The following FHIP1A variants were observed in gnomAD, a reference collection of about 807,000 sequenced individuals.
FHIP1A encodes the protein FHF complex subunit HOOK interacting protein 1A, also known as FHF complex subunit HOOK-interacting protein 1A.
Under a neutral mutation model 88.6 loss-of-function variants are expected in FHIP1A, and 61 were observed. The ratio of observed to expected loss-of-function variants is 0.69; its 90% CI spans 0.56 to 0.85. FHIP1A has a LOEUF of 0.85. Among genes scored for constraint, FHIP1A ranks in the 40% least tolerant of loss-of-function variants. FHIP1A has a pLI of 0.00. For missense variants in FHIP1A, 1,154 were observed against 1,273.5 expected, an observed-to-expected ratio of 0.91 and a Z score of 1.43; for synonymous variants, 478 against 496.0, an observed-to-expected ratio of 0.96 and a Z score of 0.48.
chr4:151,553,990 G>A (rs1732847054), intron 3 of FHIP1A, among the ~76,000 whole-genome samples: 2 of 152,240 alleles, frequency 1.3e-5, no homozygotes, highest in Non-Finnish European at 2.9e-5. Flanking sequence ...TTATGCAGGA[G>A]CTCCTTCCTG....
At chr4:151,439,615 G>A (rs1728332797) in intron 1 of FHIP1A, among the ~76,000 whole-genome samples, 1 of 152,044 alleles carries the variant, frequency 6.6e-6, no homozygotes, top group South Asian at 2.1e-4. Context: ...GTAACATGAT[G>A]GTCTAAGTTG....
chr4:151,443,591 CTTTTAA>C (rs1728485206), intron 1 of FHIP1A, among the ~76,000 whole-genome samples: 2 of 150,008 alleles, frequency 1.3e-5, no homozygotes, highest in South Asian at 4.2e-4. Context: ...TTCCTCTGCT[CTTTTAA>C]AAAGATGTGT....
intron 1 of FHIP1A, among the ~76,000 whole-genome samples, chr4:151,435,579 G>T (rs1223150178): frequency 2.6e-5 from 4 of 152,120 alleles, no homozygotes; most frequent in African/African-American, 9.7e-5. Context: ...GAGGTCAGGA[G>T]TTCAGGACCA....
intron 3 of FHIP1A, among the ~76,000 whole-genome samples, chr4:151,547,038 G>T (rs997715827): frequency 6.6e-6 from 1 of 152,086 alleles, no homozygotes; most frequent in African/African-American, 2.4e-5. Flanking sequence ...TTTTTCTCTA[G>T]GTTGGCAATT....
chr4:151,452,079 C>G (rs1447292754), intron 1 of FHIP1A, among the ~76,000 whole-genome samples: 1 of 152,100 alleles, frequency 6.6e-6, no homozygotes, highest in African/African-American at 2.4e-5. Flanking sequence ...CCTTGGCCTC[C>G]CAAAATGTTA....
intron 3 of FHIP1A, among the ~76,000 whole-genome samples, chr4:151,557,103 A>G (rs1732979406): frequency 6.6e-6 from 1 of 152,210 alleles, no homozygotes; most frequent in South Asian, 2.1e-4. Context: ...AATTTTTGGT[A>G]ATTACCTAAT....
At chr4:151,477,814 G>T (rs906531449) in intron 2 of FHIP1A, among the ~76,000 whole-genome samples, 3 of 152,082 alleles carry the variant, frequency 2.0e-5, no homozygotes, top group Admixed American at 6.6e-5. Flanking sequence ...GATGGACAAA[G>T]ATTACAAAGT....
intron 2 of FHIP1A, among the ~76,000 whole-genome samples, chr4:151,478,090 A>G (rs1729769527): frequency 6.6e-6 from 1 of 152,166 alleles, no homozygotes; most frequent in Non-Finnish European, 1.5e-5. Context: ...TATAATGGCT[A>G]AAGGTTGGAA....
At position 151,664,565 on chromosome 4, in the gene FHIP1A, T is replaced by C. The variant is rs1737593579; in HGVS notation, c.*1811T>C. Among the ~76,000 whole-genome samples the C allele has an allele frequency of 6.6e-6, 1 of 152,238 alleles. No homozygotes were observed. The highest frequency in any genetic ancestry group is 2.4e-5 in the African/African-American group (1 of 41,476). On this transcript the variant is annotated 3_prime_UTR_variant, in exon 14 of 14. Coordinates refer to ENST00000435205, the MANE Select transcript of FHIP1A (RefSeq NM_001109977.3). The stretch of plus-strand genomic sequence containing the variant: ...GCTGTGGTGCAGCAGCCAGAAGGGA[T>C]GAAGCACAGCAGACTGGTCTGCTTC...
rs1022493461 is a variant in FHIP1A, at chr4:151,649,517, T to G, written c.1476T>G (p.Tyr492Ter). 1.3e-6 allele frequency: 2 copies of G among 1,551,526 alleles called. No individual in the cohort carries two copies. The highest frequency in any genetic ancestry group is 1.4e-5 in the African/African-American group (1 of 73,044). ...CCGAGTCAGCCTGCATTGTGGAGTATGGGAAAGCCCTGGACATCAGCTACC... is the reference window on the plus strand; with the variant it reads ...CCGAGTCAGCCTGCATTGTGGAGTAGGGGAAAGCCCTGGACATCAGCTACC... ...AFSESACIVE[Y>*]GKALDISYLQ... The change falls in exon 11 of 14, where the codon TAT (tyrosine) becomes TAG (stop). Residue 492 changes from tyrosine (Y) to a stop codon, truncating the protein, a stop_gained. Coordinates refer to ENST00000435205, the MANE Select transcript of FHIP1A (RefSeq NM_001109977.3). LOFTEE classifies it high-confidence loss of function.
chr4:151,643,226 A>C (rs1736659271), intron 9 of FHIP1A, among the ~76,000 whole-genome samples: 1 of 152,212 alleles, frequency 6.6e-6, no homozygotes, highest in Non-Finnish European at 1.5e-5. Context: ...ATGAAAAGAC[A>C]GAGACAGAGG....
intron 3 of FHIP1A, among the ~76,000 whole-genome samples, chr4:151,500,438 C>CAAAA (rs34481805): frequency 2.8e-5 from 3 of 106,708 alleles, no homozygotes; most frequent in African/African-American, 1.1e-4. Context: ...CAGCCATTCT[C>CAAAA]AAAAAAAAAA....
At chr4:151,547,584 T>C (rs1297925907) in intron 3 of FHIP1A, among the ~76,000 whole-genome samples, 1 of 152,156 alleles carries the variant, frequency 6.6e-6, no homozygotes, top group Non-Finnish European at 1.5e-5. Context: ...TAGCTCATAG[T>C]AATGGCTCAC....
At chr4:151,531,082 A>C (rs995491443) in intron 3 of FHIP1A, among the ~76,000 whole-genome samples, 2 of 152,080 alleles carry the variant, frequency 1.3e-5, no homozygotes, top group African/African-American at 2.4e-5. Context: ...GAAGTATTTC[A>C]AGTGTTTTAA....
At position 151,650,203 on chromosome 4, in the gene FHIP1A, C is replaced by A; in HGVS notation, c.2162C>A (p.Ala721Asp). The change falls in exon 11 of 14, where the codon GCC becomes GAC. Residue 721 changes from alanine (A) to aspartate (D), a missense_variant. By Grantham distance (126) the Ala-to-Asp change is moderately radical. Transcript: ENST00000435205. ...AAGCAAGAGAGGGAACCTGAAGCAGCCCCAGAATCCAACTCAGAGTTAGCA... is the reference window on the plus strand; with the variant it reads ...AAGCAAGAGAGGGAACCTGAAGCAGACCCAGAATCCAACTCAGAGTTAGCA... ...EPKQEREPEA[A>D]PESNSELASP... is the part of the protein sequence containing the mutation. 1 of 1,551,726 alleles carries A rather than the reference C, an allele frequency of 6.4e-7. No individual in the cohort carries two copies. The highest frequency in any genetic ancestry group is 1.4e-5 in the African/African-American group (1 of 73,160).
chr4:151,574,045 G>A (rs927008062), intron 4 of FHIP1A, among the ~76,000 whole-genome samples: 3 of 152,170 alleles, frequency 2.0e-5, no homozygotes, highest in East Asian at 1.9e-4. Context: ...ACCAGAGCCC[G>A]CTTGTAAAAG....
chr4:151,520,144 G>A (rs1248913194), intron 3 of FHIP1A, among the ~76,000 whole-genome samples: 1 of 152,160 alleles, frequency 6.6e-6, no homozygotes, highest in African/African-American at 2.4e-5. Flanking sequence ...GTTGCCACAT[G>A]TCAAGATGAT....
chr4:151,602,293 A>G (rs1337342345), intron 7 of FHIP1A, among the ~76,000 whole-genome samples: 2 of 152,220 alleles, frequency 1.3e-5, no homozygotes, highest in Non-Finnish European at 2.9e-5. Context: ...TGCAGGACAG[A>G]TTCTGCCATC....
chr4:151,629,059 G>A (rs1003299339), intron 7 of FHIP1A, among the ~76,000 whole-genome samples: 3 of 152,070 alleles, frequency 2.0e-5, no homozygotes, highest in East Asian at 1.9e-4. Context: ...TAAAAAAGTC[G>A]CAGTTACTTT....
Sources: allele counts gnomAD v4.1 joint callset (sites outside exome capture counted in the v4.1 genomes callset), GRCh38; gene constraint gnomAD v4.1.1; transcripts MANE v1.5; gene names NCBI Gene and HGNC (gene_info 2026-07-23, HGNC 2026-07-21).